Variants in ADAMTS20 observed in about 807,000 individuals in gnomAD.
The protein encoded by ADAMTS20 is ADAM metallopeptidase with thrombospondin type 1 motif 20, also known as A disintegrin and metalloproteinase with thrombospondin motifs 20.
In ADAMTS20, 225 loss-of-function variants were observed where a neutral mutation model predicts 260.1. The ratio of observed to expected loss-of-function variants is 0.87; its 90% CI spans 0.78 to 0.97. ADAMTS20 has a LOEUF of 0.97. Among genes scored for constraint, ADAMTS20 ranks in the 50% least tolerant of loss-of-function variants. The pLI is 0.00. For synonymous variants in ADAMTS20, 802 were observed against 769.5 expected (o/e 1.04, Z -0.70); for missense variants, 2,400 against 2,337.7 (o/e 1.03, Z -0.55).
At chr12:43,411,461 G>A (rs1320405795) in intron 28 of ADAMTS20, among the ~76,000 whole-genome samples, 3 of 152,158 alleles carry the variant, frequency 2.0e-5, no homozygotes, top group Non-Finnish European at 4.4e-5. Context: ...TGTGCCTCCC[G>A]AGTTCAAGCG....
chr12:43,455,532 T>A (rs941860568), intron 11 of ADAMTS20, among the ~76,000 whole-genome samples: 1 of 152,074 alleles, frequency 6.6e-6, no homozygotes, highest in Non-Finnish European at 1.5e-5. Context: ...AACCCACCGG[T>A]GAGGGAAGAG....
intron 28 of ADAMTS20, among the ~76,000 whole-genome samples, chr12:43,405,261 A>AAAT: frequency 7.0e-6 from 1 of 143,316 alleles, no homozygotes; most frequent in Non-Finnish European, 1.5e-5. Flanking sequence ...AAAAAAAAAA[A>AAAT]ATTAGCCAGG....
chr12:43,470,162 T>A (rs1942228089), intron 7 of ADAMTS20, among the ~76,000 whole-genome samples: 1 of 152,202 alleles, frequency 6.6e-6, no homozygotes, highest in Admixed American at 6.5e-5. Flanking sequence ...TAGTGGATCA[T>A]CATCTTATTA....
At chr12:43,360,312 G>A (rs1484923802) in intron 37 of ADAMTS20, among the ~76,000 whole-genome samples, 3 of 152,172 alleles carry the variant, frequency 2.0e-5, no homozygotes, top group Non-Finnish European at 4.4e-5. Context: ...AGCCGGGCGT[G>A]GTGGCAGTCG....
chr12:43,403,541 A>G (rs1940853648), intron 28 of ADAMTS20, among the ~76,000 whole-genome samples: 1 of 152,256 alleles, frequency 6.6e-6, no homozygotes, highest in Middle Eastern at 3.4e-3. Flanking sequence ...AGTCATGCAT[A>G]AACTGTGCCC....
intron 9 of ADAMTS20, among the ~76,000 whole-genome samples, chr12:43,465,443 G>A (rs1377159904): frequency 6.6e-6 from 1 of 151,946 alleles, no homozygotes; most frequent in African/African-American, 2.4e-5. Context: ...AAAAACATGA[G>A]AAATATACAT....
In ADAMTS20 at chr12:43,434,339, T is replaced by C. The variant is rs2137313566; in HGVS notation, c.2626A>G (p.Lys876Glu). 6.3e-7 allele frequency: 1 copy of C among 1,590,526 alleles called. No homozygotes were observed. The highest frequency in any genetic ancestry group is 8.6e-7 in the Non-Finnish European group (1 of 1,167,390). The change falls in exon 19 of 39, where the codon AAG (lysine) becomes GAG (glutamate). Residue 876 changes from lysine (K) to glutamate (E), a missense_variant. Coordinates refer to ENST00000389420, the MANE Select transcript of ADAMTS20 (RefSeq NM_025003.5). Reference sequence around the variant, plus strand: ...TCAGACACAACACTATGATCACTCTTATGTATGCAAGTTATGTTTCTTCGC... The same window carrying C: ...TCAGACACAACACTATGATCACTCTCATGTATGCAAGTTATGTTTCTTCGC... ...LQRRNITCIH[K>E]SDHSVVSDKE...
intron 28 of ADAMTS20, chr12:43,423,354 A>C (rs1941270104): frequency 5.3e-6 from 1 of 186,916 alleles, no homozygotes; most frequent in African/African-American, 2.4e-5. Flanking sequence ...CTGACCTCTA[A>C]AACAGAGAAT....
intron 5 of ADAMTS20, among the ~76,000 whole-genome samples, chr12:43,492,967 G>A (rs1942625945): frequency 6.6e-6 from 1 of 151,978 alleles, no homozygotes; most frequent in Admixed American, 6.5e-5. Flanking sequence ...ATTCACTTTT[G>A]TTACTTCCTT....
intron 3 of ADAMTS20, among the ~76,000 whole-genome samples, chr12:43,520,868 G>A (rs1943061743): frequency 6.6e-6 from 1 of 152,154 alleles, no homozygotes. Context: ...TCAAGTAAGA[G>A]ATTGCAAATG....
At chr12:43,386,351 T>A (rs1158544900) in intron 29 of ADAMTS20, among the ~76,000 whole-genome samples, 1 of 152,190 alleles carries the variant, frequency 6.6e-6, no homozygotes, top group Non-Finnish European at 1.5e-5. Context: ...TGCAGAGAGA[T>A]CCGCTGTTAG....
intron 3 of ADAMTS20, among the ~76,000 whole-genome samples, chr12:43,510,599 G>A (rs1308067982): frequency 6.6e-6 from 1 of 151,412 alleles, no homozygotes; most frequent in East Asian, 1.9e-4. Context: ...TTCTATTTAG[G>A]TCCCATTGAG....
At chr12:43,481,083 T>A (rs901364355) in intron 7 of ADAMTS20, among the ~76,000 whole-genome samples, 12 of 152,176 alleles carry the variant, frequency 7.9e-5, no homozygotes, top group African/African-American at 2.7e-4. Context: ...TAATTATGAT[T>A]TGTCAACTAA....
At chr12:43,542,402 A>T (rs1943388793) in intron 2 of ADAMTS20, among the ~76,000 whole-genome samples, 1 of 152,212 alleles carries the variant, frequency 6.6e-6, no homozygotes, top group African/African-American at 2.4e-5. Flanking sequence ...TATGCCATAC[A>T]TATGCCAGAC....
intron 28 of ADAMTS20, among the ~76,000 whole-genome samples, chr12:43,406,857 T>C (rs1304551492): frequency 6.6e-6 from 1 of 152,004 alleles, no homozygotes; most frequent in Non-Finnish European, 1.5e-5. Flanking sequence ...AGTAGTAGGA[T>C]ATATTTCTGC....
At chr12:43,379,837 A>C (rs560330110) in intron 31 of ADAMTS20, among the ~76,000 whole-genome samples, 1 of 152,268 alleles carries the variant, frequency 6.6e-6, no homozygotes, top group East Asian at 1.9e-4. Context: ...TTTGTAACCA[A>C]AACACTTCAC....
intron 2 of ADAMTS20, among the ~76,000 whole-genome samples, chr12:43,537,131 A>G (rs1194581941): frequency 6.6e-6 from 1 of 152,028 alleles, no homozygotes; most frequent in Non-Finnish European, 1.5e-5. Flanking sequence ...GTGCAGTGGC[A>G]TGATCTCAGC....
Position 43,551,302 on chromosome 12 carries a change from C to T in ADAMTS20, c.92-32G>A. 1 of 1,590,908 alleles carries T rather than the reference C, an allele frequency of 6.3e-7. No homozygotes were observed. Among genetic ancestry groups the T allele is most frequent in the Non-Finnish European group, 8.6e-7 (1 of 1,166,502 alleles). ...CAACAGCGACAGGACCAGTGAGCTC[C>T]CACGCGTTCCTCATTGTCCAACTCT... is the stretch of plus-strand genomic sequence containing the variant. On this transcript the variant is annotated intron_variant, in intron 1 of 38. Coordinates refer to ENST00000389420, the MANE Select transcript of ADAMTS20 (RefSeq NM_025003.5). This position sits in a 1 kb window ranked among gnomAD's most constrained non-coding sequence, Gnocchi z 4.6.
intron 33 of ADAMTS20, 32 bp from the exon 34 acceptor site, chr12:43,376,362 G>A: frequency 6.7e-7 from 1 of 1,497,306 alleles, no homozygotes; most frequent in Non-Finnish European, 9.0e-7. Context: ...ACTTAACACA[G>A]AGCAAATTAC....
Sources: allele counts gnomAD v4.1 joint callset (sites outside exome capture counted in the v4.1 genomes callset), GRCh38; gene constraint gnomAD v4.1.1; non-coding constraint Gnocchi (gnomAD v3.1); transcripts MANE v1.5; gene names NCBI Gene and HGNC (gene_info 2026-07-23, HGNC 2026-07-21).